Variants in CEP120 observed in about 807,000 individuals in gnomAD.
CEP120 encodes the protein centrosomal protein of 120 kDa.
CEP120 carries 113 observed loss-of-function variants against 126.5 expected under a neutral mutation model. The ratio of observed to expected loss-of-function variants is 0.89; its 90% CI spans 0.77 to 1.04. CEP120 has a LOEUF of 1.04. Ranked by LOEUF, CEP120 falls within the 50% of genes least tolerant of loss-of-function variation. The probability of loss-of-function intolerance (pLI) is 0.00; values close to 1 mark genes in which losing one functional copy is unlikely to be tolerated. For synonymous variants in CEP120, 400 were observed against 394.3 expected (o/e 1.01, Z -0.17); for missense variants, 1,230 against 1,155.7 (o/e 1.06, Z -0.93).
intron 4 of CEP120, chr5:123,401,886 G>C: frequency 6.4e-7 from 1 of 1,557,632 alleles, no homozygotes; most frequent in Non-Finnish European, 8.8e-7. Context: ...CTAGCCCAGA[G>C]TCTCCAGCTG....
chr5:123,406,393 C>A (rs372397884), intron 4 of CEP120, among the ~76,000 whole-genome samples: 97 of 131,544 alleles, frequency 7.4e-4, no homozygotes, highest in African/African-American at 7.3e-4. Flanking sequence ...GGATAAATGC[C>A]AAAAAAAAAA....
chr5:123,413,605 C>T (rs34826754), intron 3 of CEP120, among the ~76,000 whole-genome samples: 10 of 151,968 alleles, frequency 6.6e-5, no homozygotes, highest in Admixed American at 6.5e-4. Flanking sequence ...TTACTCTGAT[C>T]ATTTGTTATA....
At chr5:123,350,820 A>G (rs1172829762) in intron 18 of CEP120, among the ~76,000 whole-genome samples, 8 of 152,214 alleles carry the variant, frequency 5.3e-5, no homozygotes, top group South Asian at 2.1e-4. Context: ...CTTCAGGTCA[A>G]TAGATAAAGT....
At chr5:123,420,284 T>C (rs557536897) in intron 1 of CEP120, among the ~76,000 whole-genome samples, 2 of 152,156 alleles carry the variant, frequency 1.3e-5, no homozygotes, top group African/African-American at 4.8e-5. Context: ...GAACAGAGGA[T>C]GTGAAGGGAA....
In CEP120 at chr5:123,412,481, C is replaced by T; in HGVS notation, c.381G>A (p.Gln127=). 6.2e-7 allele frequency: 1 copy of T among 1,611,916 alleles called. No homozygotes were observed. The highest frequency in any genetic ancestry group is 1.1e-5 in the South Asian group (1 of 90,506). ...NKYTKFKSEI[Q]ISIALETDTK... Reference sequence around the variant, plus strand: ...TATCGGTTTCCAAAGCAATACTTATCTGTATCTCAGACTTGAATTTGGTGT... The same window carrying T: ...TATCGGTTTCCAAAGCAATACTTATTTGTATCTCAGACTTGAATTTGGTGT... The change falls in exon 4 of 20, where the codon CAG becomes CAA. Residue 127 remains glutamine, a synonymous_variant. Coordinates refer to ENST00000306467, the MANE Select transcript of CEP120 (RefSeq NM_001375405.1).
Position 123,423,156 on chromosome 5 carries a change from G to A in CEP120, c.-158C>T, listed in dbSNP as rs1774834635. On this transcript the variant is annotated 5_prime_UTR_variant, in exon 1 of 20. Transcript: ENST00000306467. ...CAGCCAGGTCCCACCGCCGTCTGCT[G>A]CAGCGCGCCCGGCTCCTCTGCCTCG... is the stretch of plus-strand genomic sequence containing the variant. 1 of 639,202 alleles carries A rather than the reference G, an allele frequency of 1.6e-6. No individual in the cohort carries two copies. The highest frequency in any genetic ancestry group is 2.8e-6 in the Non-Finnish European group (1 of 361,174). 39.6% of individuals were successfully genotyped at this position (639,202 alleles called of 1,614,324 possible). A position where few individuals can be genotyped will look rare whatever the true frequency, so the allele number is the denominator to read the frequency against.
rs564029040 is a variant in CEP120 at position 123,345,640 on chromosome 5, T to C, written c.*879A>G. On this transcript the variant is annotated 3_prime_UTR_variant, in exon 20 of 20. Coordinates refer to ENST00000306467, the MANE Select transcript of CEP120 (RefSeq NM_001375405.1). ...GCATAAATCCAATGAGTGAATCTCG[T>C]GCGCTTTTGAAAACGATTGATTGAA... is the stretch of plus-strand genomic sequence containing the variant. The C allele has an allele frequency of 1.5e-3, 233 of 152,274 alleles. No individual in the cohort carries two copies. The highest frequency in any genetic ancestry group is 5.4e-3 in the African/African-American group (224 of 41,576). The allele number at this position is 152,274 out of a possible 1,614,324, so 9.4% of individuals were successfully genotyped here. A position where few individuals can be genotyped will look rare whatever the true frequency, so the allele number is the denominator to read the frequency against.
intron 3 of CEP120, 117 bp downstream of exon 3, chr5:123,415,893 G>T (rs1355163338): frequency 3.3e-6 from 2 of 597,738 alleles, no homozygotes; most frequent in Non-Finnish European, 5.7e-6. Flanking sequence ...TGCCATATTG[G>T]CTCAAGTCTA....
intron 17 of CEP120, 129 bp downstream of exon 17, chr5:123,372,519 ATT>A: frequency 1.1e-6 from 1 of 930,178 alleles, no homozygotes; most frequent in East Asian, 2.6e-5. Context: ...CGTGCCTTTA[ATT>A]CTCTAATGCA....
intron 3 of CEP120, among the ~76,000 whole-genome samples, chr5:123,413,132 C>T (rs1402238855): frequency 6.6e-6 from 1 of 151,798 alleles, no homozygotes; most frequent in East Asian, 1.9e-4. Flanking sequence ...ATTAGCTAGG[C>T]ATGGTGGTGC....
intron 1 of CEP120, 117 bp from the exon 2 acceptor site, chr5:123,418,632 T>G (rs1157944257): frequency 2.4e-6 from 2 of 830,892 alleles, no homozygotes; most frequent in African/African-American, 3.5e-5. Flanking sequence ...AGTCTTACTC[T>G]GTTGCTTAGG....
At chr5:123,381,180 G>A (rs974825712) in intron 14 of CEP120, among the ~76,000 whole-genome samples, 1 of 152,066 alleles carries the variant, frequency 6.6e-6, no homozygotes, top group Non-Finnish European at 1.5e-5. Flanking sequence ...AGGCAGCACA[G>A]GACAATGATC....
chr5:123,418,470 G>A lies in CEP120; in HGVS notation c.95C>T (p.Ala32Val), dbSNP rs576318938. The A allele has an allele frequency of 1.6e-5, 26 of 1,611,520 alleles. 1 individual carries two copies. The Admixed American group carries it at 4.2e-4, about 26-fold the overall frequency. The change falls in exon 2 of 20, where the codon GCA becomes GTA. Residue 32 changes from alanine (A) to valine (V), a missense_variant. Coordinates refer to ENST00000306467, the MANE Select transcript of CEP120 (RefSeq NM_001375405.1). ...KRPKHMLVVE[A>V]KFDGEQLATD... is the part of the protein sequence containing the mutation. ...AGCCAACTGTTCTCCATCAAACTTT[G>A]CTTCCACTACAAGCATATGCTTTGG... is the stretch of plus-strand genomic sequence containing the variant.
chr5:123,376,041 C>G (rs1026719421), intron 16 of CEP120, among the ~76,000 whole-genome samples: 1 of 151,108 alleles, frequency 6.6e-6, no homozygotes, highest in South Asian at 2.1e-4. Context: ...TATGTGCTGA[C>G]AACTGGCCTG....
At chr5:123,412,315 T>TG in intron 4 of CEP120, 84 bp downstream of exon 4, 1 of 1,314,388 alleles carries the variant, frequency 7.6e-7, no homozygotes, top group Non-Finnish European at 1.0e-6. Context: ...CCTGCATATA[T>TG]GTCCCTATAA....
chr5:123,406,011 G>T (rs913614690), intron 4 of CEP120, among the ~76,000 whole-genome samples: 2 of 152,044 alleles, frequency 1.3e-5, no homozygotes, highest in Admixed American at 1.3e-4. Flanking sequence ...TAAAGTGTAA[G>T]AAAGAATAAA....
rs185660349 is a variant in CEP120, at chr5:123,344,984, C to A, written c.*1535G>T. 6.6e-6 allele frequency: 1 copy of A among 152,184 alleles called. No individual in the cohort carries two copies. Among genetic ancestry groups the A allele is most frequent in the Non-Finnish European group, 1.5e-5 (1 of 67,988 alleles). The allele number at this position is 152,184 out of a possible 1,614,324, so 9.4% of individuals were successfully genotyped here. A position where few individuals can be genotyped will look rare whatever the true frequency, so the allele number is the denominator to read the frequency against. ...ACTACACATCCATTTTAGAAAAGTC[C>A]TTTTTATTTCTTTAAATCAGAGGCC... On this transcript the variant is annotated 3_prime_UTR_variant, in exon 20 of 20. Coordinates refer to ENST00000306467, the MANE Select transcript of CEP120 (RefSeq NM_001375405.1).
chr5:123,401,569 G>A (rs1371341369), intron 4 of CEP120: 6 of 1,366,450 alleles, frequency 4.4e-6, no homozygotes, highest in African/African-American at 4.3e-5. Context: ...CAGCGATGAC[G>A]CTGTTCATGT....
Position 123,412,381 on chromosome 5 carries a change from T to C in CEP120, c.463+18A>G, listed in dbSNP as rs1580737979. ...GATGGAACTTCTCAGAGAATGTTTT[T>C]AGAGATGATGCACAAACCTTTTCCA... On this transcript the variant is annotated intron_variant, in intron 4 of 19. Coordinates refer to ENST00000306467, the MANE Select transcript of CEP120 (RefSeq NM_001375405.1). The C allele has an allele frequency of 6.3e-7, 1 of 1,589,254 alleles. No homozygotes were observed. The highest frequency in any genetic ancestry group is 1.4e-5 in the African/African-American group (1 of 73,432).
Sources: allele counts gnomAD v4.1 joint callset (sites outside exome capture counted in the v4.1 genomes callset), GRCh38; gene constraint gnomAD v4.1.1; transcripts MANE v1.5; gene names NCBI Gene and HGNC (gene_info 2026-07-23, HGNC 2026-07-21).